Variants in GPR39 observed in about 807,000 individuals in gnomAD.
GPR39 encodes zinc sensing receptor.
A neutral mutation model predicts 18.4 loss-of-function variants in GPR39; 23 were observed. That is an observed-to-expected ratio of 1.25 (90% CI 0.90 to 1.77). The LOEUF is 1.77. Among genes scored for constraint, GPR39 ranks in the 40% most tolerant of loss-of-function variants. The pLI is 0.00. For missense variants in GPR39, 647 were observed against 602.4 expected, an observed-to-expected ratio of 1.07 and a Z score of -0.78; for synonymous variants, 280 against 257.9, an observed-to-expected ratio of 1.09 and a Z score of -0.82.
At chr2:132,449,464 G>C (rs916302851) in intron 1 of GPR39, among the ~76,000 whole-genome samples, 3 of 152,206 alleles carry the variant, frequency 2.0e-5, no homozygotes, top group South Asian at 4.2e-4. Flanking sequence ...GGTCAGGCTA[G>C]TCTTGAACTC....
intron 1 of GPR39, among the ~76,000 whole-genome samples, chr2:132,492,421 CATA>C (rs1456897694): frequency 7.5e-6 from 1 of 133,644 alleles, no homozygotes; most frequent in Non-Finnish European, 1.6e-5. Context: ...ATATATATAC[CATA>C]TATACACCAT....
intron 1 of GPR39, among the ~76,000 whole-genome samples, chr2:132,469,048 G>A (rs1311843711): frequency 1.3e-5 from 2 of 152,228 alleles, no homozygotes; most frequent in Non-Finnish European, 2.9e-5. Context: ...GCCTTGCTGG[G>A]AAGTTGTTCA....
chr2:132,629,765 T>C (rs1681615735), intron 1 of GPR39, among the ~76,000 whole-genome samples: 1 of 152,222 alleles, frequency 6.6e-6, no homozygotes, highest in Non-Finnish European at 1.5e-5. Flanking sequence ...GGAAAGGCCC[T>C]AGGCTTGCTT....
intron 1 of GPR39, among the ~76,000 whole-genome samples, chr2:132,634,417 G>A (rs367680109): frequency 7.2e-5 from 11 of 152,164 alleles, no homozygotes; most frequent in South Asian, 2.1e-4. Context: ...AGGCAAAGCC[G>A]GAGGTGTCCA....
intron 1 of GPR39, among the ~76,000 whole-genome samples, chr2:132,607,989 T>C (rs1264341980): frequency 1.3e-5 from 2 of 152,082 alleles, no homozygotes; most frequent in African/African-American, 2.4e-5. Flanking sequence ...AATTCTCTGG[T>C]TTTGGGCCTA....
intron 1 of GPR39, among the ~76,000 whole-genome samples, chr2:132,493,323 A>AC (rs1391301806): frequency 6.8e-6 from 1 of 146,498 alleles, no homozygotes; most frequent in African/African-American, 2.5e-5. Context: ...ATATATATAC[A>AC]CATACCATAT....
intron 1 of GPR39, among the ~76,000 whole-genome samples, chr2:132,533,354 A>G (rs1679678088): frequency 6.6e-6 from 1 of 151,168 alleles, no homozygotes; most frequent in Admixed American, 6.6e-5. Flanking sequence ...GAGGATACAA[A>G]CAAATGGAAG....
chr2:132,614,492 G>A (rs1324483127), intron 1 of GPR39, among the ~76,000 whole-genome samples: 1 of 152,078 alleles, frequency 6.6e-6, no homozygotes, highest in South Asian at 2.1e-4. Flanking sequence ...ACATACCTCG[G>A]CCTCCCAAAG....
chr2:132,457,034 A>AG (rs1461127764), intron 1 of GPR39, among the ~76,000 whole-genome samples: 1 of 152,180 alleles, frequency 6.6e-6, no homozygotes, highest in Non-Finnish European at 1.5e-5. Context: ...CTGCCTTGCT[A>AG]GGTTGGAGAA....
chr2:132,569,182 G>A (rs894806520), intron 1 of GPR39, among the ~76,000 whole-genome samples: 13 of 152,072 alleles, frequency 8.5e-5, no homozygotes, highest in Non-Finnish European at 1.6e-4. Flanking sequence ...GCTGCAATGA[G>A]CAAGAGGTGA....
At chr2:132,421,770 C>T (rs1484393381) in intron 1 of GPR39, among the ~76,000 whole-genome samples, 1 of 152,118 alleles carries the variant, frequency 6.6e-6, no homozygotes, top group African/African-American at 2.4e-5. Context: ...GAATCACATC[C>T]TCTGGGTTTT....
chr2:132,493,260 ATATACCATATATG>A (rs1261216631), intron 1 of GPR39, among the ~76,000 whole-genome samples: 3 of 145,372 alleles, frequency 2.1e-5, no homozygotes, highest in Non-Finnish European at 4.5e-5. Flanking sequence ...TACACCATAT[ATATACCATATATG>A]TATACCATAT....
chr2:132,485,347 T>C (rs1231448159), intron 1 of GPR39, among the ~76,000 whole-genome samples: 2 of 152,168 alleles, frequency 1.3e-5, no homozygotes, highest in East Asian at 1.9e-4. Context: ...AGGATAGTGG[T>C]TGCTGACAGT....
At chr2:132,640,102 C>T (rs1480056480) in intron 1 of GPR39, among the ~76,000 whole-genome samples, 1 of 152,104 alleles carries the variant, frequency 6.6e-6, no homozygotes, top group Non-Finnish European at 1.5e-5. Flanking sequence ...ATCTCCTGAT[C>T]TCTAATGACT....
chr2:132,541,555 G>A (rs946519184), intron 1 of GPR39, among the ~76,000 whole-genome samples: 3 of 152,204 alleles, frequency 2.0e-5, no homozygotes, highest in African/African-American at 7.2e-5. Context: ...GAAAAGTGAA[G>A]GAAAATGGCA....
At chr2:132,522,537 A>C (rs1333657268) in intron 1 of GPR39, among the ~76,000 whole-genome samples, 1 of 152,242 alleles carries the variant, frequency 6.6e-6, no homozygotes, top group East Asian at 1.9e-4. Flanking sequence ...CCGTTTATGA[A>C]GCAGGGATTA....
intron 1 of GPR39, among the ~76,000 whole-genome samples, chr2:132,605,890 G>T (rs578221137): frequency 1.2e-4 from 18 of 152,184 alleles, no homozygotes; most frequent in African/African-American, 4.3e-4. Context: ...CTGAGCTGTC[G>T]TTTTACAAAC....
chr2:132,567,365 C>T (rs1680367853), intron 1 of GPR39, among the ~76,000 whole-genome samples: 1 of 152,152 alleles, frequency 6.6e-6, no homozygotes, highest in South Asian at 2.1e-4. Context: ...CATGAAGGCT[C>T]TGTCCCCTTG....
At position 132,646,184 on chromosome 2, in the gene GPR39, A is replaced by C; in HGVS notation, c.*578A>C. 2 of 1,610,160 alleles carry C rather than the reference A, an allele frequency of 1.2e-6. No individual in the cohort carries two copies. Among genetic ancestry groups the C allele is most frequent in the Non-Finnish European group, 1.7e-6 (2 of 1,177,876 alleles). The stretch of plus-strand genomic sequence containing the variant: ...AGGGGTGTTGCAGCAGCTGATGCAA[A>C]CTGAGTTCAGTTTCCCTGGGGAGCA... On this transcript the variant is annotated 3_prime_UTR_variant, in exon 2 of 2. Transcript: ENST00000329321.
Sources: allele counts gnomAD v4.1 joint callset (sites outside exome capture counted in the v4.1 genomes callset), GRCh38; gene constraint gnomAD v4.1.1; transcripts MANE v1.5; gene names NCBI Gene and HGNC (gene_info 2026-07-23, HGNC 2026-07-21).